Variants in CRB1 observed in about 807,000 individuals in gnomAD.
CRB1 encodes protein crumbs homolog 1.
A neutral mutation model predicts 120.0 loss-of-function variants in CRB1; 83 were observed. That is an observed-to-expected ratio of 0.69 (90% CI 0.58 to 0.83). The LOEUF is 0.83. Ranked by LOEUF, CRB1 falls within the 40% of genes least tolerant of loss-of-function variation. CRB1 has a pLI of 0.00. For missense variants in CRB1, 1,699 were observed against 1,687.6 expected, an observed-to-expected ratio of 1.01 and a Z score of -0.12; for synonymous variants, 625 against 612.5, an observed-to-expected ratio of 1.02 and a Z score of -0.30.
chr1:197,446,949 T>C (rs536318278), intron 11 of CRB1, among the ~76,000 whole-genome samples: 1 of 152,374 alleles, frequency 6.6e-6, no homozygotes, highest in African/African-American at 2.4e-5. Context: ...ATTTGGGATA[T>C]ATATTATAGA....
At chr1:197,292,184 GAAGAA>G (rs1656225263) in intron 1 of CRB1, among the ~76,000 whole-genome samples, 1 of 151,942 alleles carries the variant, frequency 6.6e-6, no homozygotes, top group South Asian at 2.1e-4. Context: ...GACTAATAAA[GAAGAA>G]AAGAGAGAAA....
intron 1 of CRB1, among the ~76,000 whole-genome samples, chr1:197,322,608 A>G (rs1043651366): frequency 2.6e-5 from 4 of 152,138 alleles, no homozygotes; most frequent in African/African-American, 9.7e-5. Flanking sequence ...TTAACATTCC[A>G]TATGTAGCTC....
Position 197,285,651 on chromosome 1 carries a change from G to A in CRB1, c.70+17169G>A, listed in dbSNP as rs140820482. Among the ~76,000 whole-genome samples the A allele has an allele frequency of 9.4e-4, 143 of 151,896 alleles. 2 individuals carry two copies. In the East Asian group the frequency reaches 0.022, roughly 24 times the overall value. On this transcript the variant is annotated intron_variant, in intron 1 of 11. Transcript: ENST00000367400. ...TAGAAACAACTCTTCTTGAGGCATC[G>A]CAGTCCAGACGTTTGATGTGGTGAC...
At chr1:197,276,962 G>C (rs1312961318) in intron 1 of CRB1, among the ~76,000 whole-genome samples, 3 of 151,862 alleles carry the variant, frequency 2.0e-5, no homozygotes, top group Non-Finnish European at 4.4e-5. Context: ...GCTCACACCA[G>C]CTTATTTATT....
chr1:197,265,914 C>T (rs1654620817), upstream of CRB1, among the ~76,000 whole-genome samples: 1 of 152,138 alleles, frequency 6.6e-6, no homozygotes, highest in South Asian at 2.1e-4. Flanking sequence ...TCTTTCTAAG[C>T]ACAACTCTGA....
chr1:197,377,660 C>A (rs1661719548), intron 5 of CRB1, among the ~76,000 whole-genome samples: 1 of 152,134 alleles, frequency 6.6e-6, no homozygotes, highest in Non-Finnish European at 1.5e-5. Flanking sequence ...CTTCCATTTT[C>A]AAGAGTATCT....
At chr1:197,211,457 A>G in the CRB1 span, among the ~76,000 whole-genome samples, 1 of 152,222 alleles carries the variant, frequency 6.6e-6, no homozygotes, top group Non-Finnish European at 1.5e-5. Flanking sequence ...AGGGGCCAGC[A>G]TTCAGTGTCT....
At chr1:197,386,395 A>G (rs919507143) in intron 5 of CRB1, among the ~76,000 whole-genome samples, 5 of 152,098 alleles carry the variant, frequency 3.3e-5, no homozygotes, top group African/African-American at 1.2e-4. Context: ...AGATTTTTCA[A>G]ACTTGTGAGG....
chr1:197,299,980 A>G (rs982853858), intron 1 of CRB1, among the ~76,000 whole-genome samples: 3 of 151,886 alleles, frequency 2.0e-5, no homozygotes, highest in South Asian at 2.1e-4. Context: ...TCTGTGATCA[A>G]TGATCTTTGA....
At chr1:197,382,244 A>C (rs1331448303) in intron 5 of CRB1, among the ~76,000 whole-genome samples, 1 of 152,210 alleles carries the variant, frequency 6.6e-6, no homozygotes, top group Non-Finnish European at 1.5e-5. Context: ...AATGCCTAGA[A>C]CAGCACCTGG....
intron 6 of CRB1, among the ~76,000 whole-genome samples, chr1:197,423,336 C>G (rs1435315462): frequency 2.0e-5 from 3 of 152,164 alleles, no homozygotes; most frequent in African/African-American, 7.2e-5. Context: ...AACCAAGTTC[C>G]TGAATTGGTT....
intron 5 of CRB1, among the ~76,000 whole-genome samples, chr1:197,388,206 TG>T (rs1465269369): frequency 6.6e-6 from 1 of 152,106 alleles, no homozygotes; most frequent in African/African-American, 2.4e-5. Flanking sequence ...GATGGATTTC[TG>T]GAAGACAAAT....
intron 5 of CRB1, among the ~76,000 whole-genome samples, chr1:197,410,034 C>T (rs989571411): frequency 6.6e-6 from 1 of 152,186 alleles, no homozygotes; most frequent in African/African-American, 2.4e-5. Flanking sequence ...ATCCGCCCTC[C>T]TCGGCCTCCC....
In CRB1 at chr1:197,283,233, G is replaced by T. The variant is rs143568512; in HGVS notation, c.70+14751G>T. Among the ~76,000 whole-genome samples the T allele has an allele frequency of 3.3e-5, 5 of 151,848 alleles. No homozygotes were observed. In the East Asian group the frequency reaches 7.8e-4, roughly 24 times the overall value. On this transcript the variant is annotated intron_variant, in intron 1 of 11. Coordinates refer to ENST00000367400, the MANE Select transcript of CRB1 (RefSeq NM_201253.3). The stretch of plus-strand genomic sequence containing the variant: ...AAAAATTCTGGAGGGAAACATTTTA[G>T]AATTTTTTTTTCTTTTTTTTTCCTA...
intron 11 of CRB1, among the ~76,000 whole-genome samples, chr1:197,455,047 C>A (rs1666208763): frequency 6.6e-6 from 1 of 152,048 alleles, no homozygotes. Flanking sequence ...ACAAGGTTGG[C>A]CATATTATTT....
intron 11 of CRB1, among the ~76,000 whole-genome samples, chr1:197,460,636 A>G (rs1423463767): frequency 6.6e-6 from 1 of 152,146 alleles, no homozygotes; most frequent in African/African-American, 2.4e-5. Context: ...GAAGGCCCAA[A>G]GAAGTGAAGT....
the CRB1 span, among the ~76,000 whole-genome samples, chr1:197,252,568 ATATATATATATATATGTGTGTGTGTG>A: frequency 8.5e-5 from 4 of 46,900 alleles, no homozygotes; most frequent in East Asian, 1.2e-3. Context: ...ATATATATAT[ATATATATATATATATGTGTGTGTGTG>A]TGTGTGTGTG....
intron 10 of CRB1, chr1:197,438,936 A>G: frequency 2.7e-6 from 1 of 377,090 alleles, no homozygotes; most frequent in South Asian, 2.3e-5. Flanking sequence ...TTTCTTTCTT[A>G]TAAGTACTTC....
At chr1:197,219,340 T>C in the CRB1 span, among the ~76,000 whole-genome samples, 1 of 152,244 alleles carries the variant, frequency 6.6e-6, no homozygotes, top group Non-Finnish European at 1.5e-5. Flanking sequence ...ATGAAATAGA[T>C]AATCCACCAC....
Sources: allele counts gnomAD v4.1 joint callset (sites outside exome capture counted in the v4.1 genomes callset), GRCh38; gene constraint gnomAD v4.1.1; transcripts MANE v1.5; gene names NCBI Gene and HGNC (gene_info 2026-07-23, HGNC 2026-07-21).